Variants in SERPINB13 observed in about 807,000 individuals in gnomAD.
The protein encoded by SERPINB13 is serpin family B member 13.
Under a neutral mutation model 31.2 loss-of-function variants are expected in SERPINB13, and 26 were observed. That is an observed-to-expected ratio of 0.83 (90% confidence interval 0.61 to 1.15). SERPINB13 has a LOEUF of 1.15. Among genes scored for constraint, SERPINB13 ranks in the 50% most tolerant of loss-of-function variants. The pLI is 0.00. For missense variants in SERPINB13, 510 were observed against 469.4 expected (o/e 1.09, Z -0.80); for synonymous variants, 191 against 172.4 (o/e 1.11, Z -0.85).
rs1214609473 is a variant in SERPINB13, at chr18:63,592,977, G to T, written c.472+6G>T. 2 of 1,519,260 alleles carry T rather than the reference G, an allele frequency of 1.3e-6. No homozygotes were observed. The highest frequency in any genetic ancestry group is 2.8e-5 in the African/African-American group (2 of 71,556). The allele number at this position is 1,519,260 out of a possible 1,614,324, so 94.1% of individuals were successfully genotyped here. ...GGTTGAAAGCAAAACAAATGGTAGA[G>T]TATGGGTGGGTCATTCATTGCAAAA... On this transcript the variant is annotated splice_donor_region_variant and intron_variant, in intron 5 of 7. Coordinates refer to ENST00000344731, the MANE Select transcript of SERPINB13 (RefSeq NM_012397.4).
In SERPINB13 at chr18:63,589,553, T is replaced by C. The variant is rs548902719; in HGVS notation, c.166-103T>C. 3 of 1,429,492 alleles carry C rather than the reference T, an allele frequency of 2.1e-6. No individual in the cohort carries two copies. In the African/African-American group the frequency reaches 4.3e-5, roughly 21 times the overall value. 88.6% of individuals were successfully genotyped at this position (1,429,492 alleles called of 1,614,324 possible). On this transcript the variant is annotated intron_variant, in intron 2 of 7. Coordinates refer to ENST00000344731, the MANE Select transcript of SERPINB13 (RefSeq NM_012397.4). ...TGCAAGGAGATAATGTCACCTCATATACCACCGAGGTTTCTTTCAGAAGCG... is the reference window on the plus strand; with the variant it reads ...TGCAAGGAGATAATGTCACCTCATACACCACCGAGGTTTCTTTCAGAAGCG...
chr18:63,597,160 T>A lies in SERPINB13; in HGVS notation c.973T>A (p.Leu325Met). The change falls in exon 8 of 8, where the codon TTG becomes ATG. Residue 325 changes from leucine (L) to methionine (M), a missense_variant. By Grantham distance (15) the Leu-to-Met change is conservative. Transcript: ENST00000344731. ...CTCGGGAATGTCGTCAGGCTCCGGG[T>A]TGTACGCCCAGAAGTTCCTGCACAG... ...DYSGMSSGSG[L>M]YAQKFLHSSF... 1 of 1,614,154 alleles carries A rather than the reference T, an allele frequency of 6.2e-7. No homozygotes were observed. Among genetic ancestry groups the A allele is most frequent in the Non-Finnish European group, 8.5e-7 (1 of 1,180,036 alleles).
chr18:63,595,647 C>G (rs1158933226), intron 7 of SERPINB13, among the ~76,000 whole-genome samples: 1 of 152,236 alleles, frequency 6.6e-6, no homozygotes, highest in African/African-American at 2.4e-5. Flanking sequence ...CGCCTGTAAT[C>G]CCAGCACTTT....
Position 63,598,644 on chromosome 18 carries a change from T to G in SERPINB13, c.*1281T>G, listed in dbSNP as rs1409683728. 1 of 152,228 alleles carries G rather than the reference T, an allele frequency of 6.6e-6. No individual in the cohort carries two copies. Among genetic ancestry groups the G allele is most frequent in the Admixed American group, 6.5e-5 (1 of 15,278 alleles). The allele number at this position is 152,228 out of a possible 1,614,324, so 9.4% of individuals were successfully genotyped here. ...CATTGCATGGAAAAGACCTATTTTA[T>G]TTCTAGGTTCACCAGTTGAGGGACA... is the stretch of plus-strand genomic sequence containing the variant. On this transcript the variant is annotated 3_prime_UTR_variant, in exon 8 of 8. Coordinates refer to ENST00000344731, the MANE Select transcript of SERPINB13 (RefSeq NM_012397.4).
rs746426503 is a variant in SERPINB13 at position 63,592,894 on chromosome 18, T to C, written c.395T>C (p.Leu132Pro). 3 of 1,612,182 alleles carry C rather than the reference T, an allele frequency of 1.9e-6. No individual in the cohort carries two copies. Among genetic ancestry groups the C allele is most frequent in the Non-Finnish European group, 2.5e-6 (3 of 1,178,928 alleles). ...DYVEKYYHAS[L>P]EPVDFVNAAD... Reference sequence around the variant, plus strand: ...GTTGAAAAATATTATCATGCATCTCTGGAACCTGTTGATTTTGTAAATGCA... The same window carrying C: ...GTTGAAAAATATTATCATGCATCTCCGGAACCTGTTGATTTTGTAAATGCA... The change falls in exon 5 of 8, where the codon CTG (leucine) becomes CCG (proline). Residue 132 changes from leucine (L) to proline (P), a missense_variant. Physicochemically the swap from Leu to Pro is moderately conservative, Grantham distance 98. Transcript: ENST00000344731.
intron 1 of SERPINB13, 117 bp downstream of exon 1, chr18:63,587,567 T>C (rs1216902332): frequency 2.4e-6 from 1 of 410,802 alleles, no homozygotes; most frequent in African/African-American, 2.1e-5. Flanking sequence ...TTTTATTTAA[T>C]TCAGTTCCAA....
intron 6 of SERPINB13, among the ~76,000 whole-genome samples, chr18:63,594,776 T>C (rs575251297): frequency 5.9e-5 from 9 of 152,014 alleles, no homozygotes; most frequent in Non-Finnish European, 8.8e-5. Context: ...GAGGCAGAGG[T>C]TGCAGTGAGC....
Position 63,592,847 on chromosome 18 carries a change from C to A in SERPINB13, c.355-7C>A. Reference sequence around the variant, plus strand: ...CTCTTTTTATTCCTTCCTTGTTTCTCCTAAAGAAATACTTAGATTATGTTG... The same window carrying A: ...CTCTTTTTATTCCTTCCTTGTTTCTACTAAAGAAATACTTAGATTATGTTG... On this transcript the variant is annotated splice_polypyrimidine_tract_variant and splice_region_variant and intron_variant, in intron 4 of 7. Coordinates refer to ENST00000344731, the MANE Select transcript of SERPINB13 (RefSeq NM_012397.4). 5 of 1,522,620 alleles carry A rather than the reference C, an allele frequency of 3.3e-6. No homozygotes were observed. Among genetic ancestry groups the A allele is most frequent in the Non-Finnish European group, 4.5e-6 (5 of 1,111,918 alleles). 94.3% of individuals were successfully genotyped at this position (1,522,620 alleles called of 1,614,324 possible).
chr18:63,592,833 C>T, intron 4 of SERPINB13, 21 bp from the exon 5 acceptor site: 8 of 1,447,814 alleles, frequency 5.5e-6, no homozygotes, highest in Non-Finnish European at 7.6e-6. Context: ...TCTTTTTATT[C>T]CTTCCTTGTT....
rs1912081012 is a variant in SERPINB13 at position 63,595,044 on chromosome 18, G to A, written c.631G>A (p.Val211Ile). Residue 211 changes from valine to isoleucine, a missense_variant, in exon 7 of 8, where the codon GTA (valine) becomes ATA (isoleucine). Transcript: ENST00000344731. ...TTTGTTGCAGAGCACAAGTAAATCTGTACAGATGATGACACAGAGCCATTC... is the reference window on the plus strand; with the variant it reads ...TTTGTTGCAGAGCACAAGTAAATCTATACAGATGATGACACAGAGCCATTC... The part of the protein sequence containing the change: ...FWMNKSTSKS[V>I]QMMTQSHSFS... 12 of 1,612,820 alleles carry A rather than the reference G, an allele frequency of 7.4e-6. No homozygotes were observed. The highest frequency in any genetic ancestry group is 1.0e-5 in the Non-Finnish European group (12 of 1,179,534).
At position 63,588,671 on chromosome 18, in the gene SERPINB13, G is replaced by A; in HGVS notation, c.4G>A (p.Asp2Asn). 1 of 1,614,140 alleles carries A rather than the reference G, an allele frequency of 6.2e-7. No individual in the cohort carries two copies. The highest frequency in any genetic ancestry group is 8.5e-7 in the Non-Finnish European group (1 of 1,179,984). Residue 2 changes from aspartate (D) to asparagine (N), a missense_variant, in exon 2 of 8, where the codon GAT (aspartate) becomes AAT (asparagine). Asp to Asn is a conservative substitution (Grantham distance 23, BLOSUM62 1). Transcript: ENST00000344731. M[D>N]SLGAVSTRLG... ...TCTAGGTCTCGCTAAAATCATCATG[G>A]ATTCACTTGGCGCCGTCAGCACTCG...
chr18:63,594,473 G>T lies in SERPINB13; in HGVS notation c.591G>T (p.Lys197Asn). The change falls in exon 6 of 8, where the codon AAG (lysine) becomes AAT (asparagine). Residue 197 changes from lysine to asparagine, a missense_variant. By Grantham distance (94) the Lys-to-Asn change is moderately conservative. Coordinates refer to ENST00000344731, the MANE Select transcript of SERPINB13 (RefSeq NM_012397.4). ...GGGAGTTTAAGAAAGAAAATACTAA[G>T]GAAGAGAAATTTTGGATGAATAAGG... ...WDREFKKENT[K>N]EEKFWMNKST... The T allele has an allele frequency of 6.2e-7, 1 of 1,613,964 alleles. No homozygotes were observed. Among genetic ancestry groups the T allele is most frequent in the South Asian group, 1.1e-5 (1 of 91,064 alleles).
chr18:63,592,237 C>A, intron 3 of SERPINB13, 111 bp from the exon 4 acceptor site: 1 of 1,248,586 alleles, frequency 8.0e-7, no homozygotes. Context: ...CAGGGATCAC[C>A]CTTGAGGCTG....
In SERPINB13 at chr18:63,598,970, T is replaced by C. The variant is rs78632859; in HGVS notation, c.*1607T>C. 6.6e-6 allele frequency: 1 copy of C among 152,178 alleles called. No individual in the cohort carries two copies. The highest frequency in any genetic ancestry group is 6.5e-5 in the Admixed American group (1 of 15,278). 9.4% of individuals were successfully genotyped at this position (152,178 alleles called of 1,614,324 possible). A position where few individuals can be genotyped will look rare whatever the true frequency, so the allele number is the denominator to read the frequency against. On this transcript the variant is annotated 3_prime_UTR_variant, in exon 8 of 8. Coordinates refer to ENST00000344731, the MANE Select transcript of SERPINB13 (RefSeq NM_012397.4). ...GTAGGTACAAAGTGGCATCTCATGG[T>C]GGTTTTAATTTGCATTTCCATAATA...
Position 63,597,011 on chromosome 18 carries a change from A to G in SERPINB13, c.824A>G (p.His275Arg). 2.5e-6 allele frequency: 4 copies of G among 1,614,184 alleles called. No individual in the cohort carries two copies. The highest frequency in any genetic ancestry group is 3.4e-6 in the Non-Finnish European group (4 of 1,179,994). ...TTGGTAGAGTGGACTAGTCCAGGGC[A>G]TATGGAAGAAAGAAAGGTGAATCTG... The part of the protein sequence containing the change: ...EKLVEWTSPG[H>R]MEERKVNLHL... The change falls in exon 8 of 8, where the codon CAT (histidine) becomes CGT (arginine). Residue 275 changes from histidine (H) to arginine (R), a missense_variant. Transcript: ENST00000344731.
intron 3 of SERPINB13, 49 bp downstream of exon 3, chr18:63,589,764 A>G: frequency 1.9e-6 from 3 of 1,613,026 alleles, no homozygotes; most frequent in Non-Finnish European, 2.5e-6. Flanking sequence ...TGTTTTACAA[A>G]CTTCAGTAGA....
Position 63,595,185 on chromosome 18 carries a change from G to A in SERPINB13, c.771+1G>A. 1 of 1,609,672 alleles carries A rather than the reference G, an allele frequency of 6.2e-7. No individual in the cohort carries two copies. On this transcript the variant is annotated splice_donor_variant, in intron 7 of 7. Transcript: ENST00000344731. LOFTEE classifies it high-confidence loss of function. The stretch of plus-strand genomic sequence containing the variant: ...CAACGACATCGATGGCCTGGAGAAG[G>A]TAAACGCTTACACCTCCTTATTCTT...
intron 3 of SERPINB13, among the ~76,000 whole-genome samples, chr18:63,591,521 T>C (rs1320893196): frequency 6.6e-6 from 1 of 152,026 alleles, no homozygotes. Context: ...CTAATTTGCC[T>C]GGGTGAGAGT....
chr18:63,593,036 ACTT>A, intron 5 of SERPINB13, 65 bp downstream of exon 5: 2 of 1,023,924 alleles, frequency 2.0e-6, no homozygotes, highest in Non-Finnish European at 3.0e-6. Context: ...AACAAAAAAC[ACTT>A]CTTGACAACC....
Sources: gnomAD v4.1 joint callset for allele counts (sites outside exome capture counted in the v4.1 genomes callset) on GRCh38, gnomAD v4.1.1 for gene constraint, MANE v1.5 for transcripts, NCBI Gene and HGNC (gene_info 2026-07-23, HGNC 2026-07-21) for gene names.